The following CDKAL1 variants were observed in gnomAD, a reference collection of about 807,000 sequenced individuals.
The protein encoded by CDKAL1 is CDKAL1 threonylcarbamoyladenosine tRNA methylthiotransferase.
A neutral mutation model predicts 68.2 loss-of-function variants in CDKAL1; 32 were observed. The ratio of observed to expected loss-of-function variants is 0.47; its 90% CI spans 0.35 to 0.63. CDKAL1 has a LOEUF of 0.63. Among genes scored for constraint, CDKAL1 ranks in the 30% least tolerant of loss-of-function variants. CDKAL1 has a pLI of 0.00. For synonymous variants in CDKAL1, 234 were observed against 244.3 expected, an observed-to-expected ratio of 0.96 and a Z score of 0.39; for missense variants, 606 against 696.7, an observed-to-expected ratio of 0.87 and a Z score of 1.47.
chr6:21,000,402 C>A (rs367818741), intron 11 of CDKAL1, 30 bp downstream of exon 11: 1 of 1,569,542 alleles, frequency 6.4e-7, no homozygotes. Context: ...AGAAAATAAC[C>A]ATTTCTTTTT....
intron 8 of CDKAL1, among the ~76,000 whole-genome samples, chr6:20,836,303 A>G (rs905808882): frequency 1.3e-5 from 2 of 152,248 alleles, no homozygotes; most frequent in Non-Finnish European, 2.9e-5. Context: ...TAATGTTTGC[A>G]TATTATACAA....
intron 4 of CDKAL1, among the ~76,000 whole-genome samples, chr6:20,598,916 A>C (rs1765959984): frequency 6.6e-6 from 1 of 152,064 alleles, no homozygotes; most frequent in African/African-American, 2.4e-5. Context: ...CCTAAATTTA[A>C]TTGTAGTTTG....
Position 21,158,489 on chromosome 6 carries a change from G to T in CDKAL1, c.1300-39532G>T, listed in dbSNP as rs950687405. ...GGGGTGGGTTGGAGGGGACTCAAAG[G>T]GTCATGATGAAGCTCCAAGCCAGAT... On this transcript the variant is annotated intron_variant, in intron 13 of 15. Transcript: ENST00000274695. Among the ~76,000 whole-genome samples, 5 of 152,298 alleles carry T rather than the reference G, an allele frequency of 3.3e-5. No homozygotes were observed. The East Asian group carries it at 9.6e-4, about 29-fold the overall frequency.
chr6:20,677,349 C>T (rs528894456), intron 5 of CDKAL1, among the ~76,000 whole-genome samples: 4 of 152,180 alleles, frequency 2.6e-5, no homozygotes, highest in South Asian at 4.1e-4. Context: ...GGATTACAGG[C>T]GTGAGCCATC....
At chr6:21,215,672 T>C (rs1342089528) in intron 15 of CDKAL1, among the ~76,000 whole-genome samples, 3 of 152,142 alleles carry the variant, frequency 2.0e-5, no homozygotes, top group Non-Finnish European at 2.9e-5. Flanking sequence ...TAAGGGACCT[T>C]GTCATAGTCT....
intron 11 of CDKAL1, among the ~76,000 whole-genome samples, chr6:21,045,886 G>GT (rs1561986371): frequency 6.6e-6 from 1 of 152,192 alleles, no homozygotes; most frequent in African/African-American, 2.4e-5. Flanking sequence ...GATAGTCATT[G>GT]TTTCTGAGAA....
intron 7 of CDKAL1, among the ~76,000 whole-genome samples, chr6:20,763,839 T>C (rs1335229248): frequency 4.6e-5 from 7 of 152,222 alleles, no homozygotes; most frequent in African/African-American, 1.7e-4. Flanking sequence ...TATTCTGAAA[T>C]GGATCTTCAT....
rs375023465 is a variant in CDKAL1, at chr6:21,157,703, C to G, written c.1300-40318C>G. 2.0e-5 allele frequency among the ~76,000 whole-genome samples: 3 copies of G among 152,284 alleles called. No individual in the cohort carries two copies. In the East Asian group the frequency reaches 5.8e-4, roughly 29 times the overall value. ...ATTATGACATACATCTACCAGTCAC[C>G]TAACCTGGCCTTACTGAAACAAAAC... On this transcript the variant is annotated intron_variant, in intron 13 of 15. Transcript: ENST00000274695.
chr6:20,872,385 CA>C (rs1760269182), intron 9 of CDKAL1, among the ~76,000 whole-genome samples: 1 of 152,094 alleles, frequency 6.6e-6, no homozygotes, highest in Non-Finnish European at 1.5e-5. Context: ...TAGCAAGGGT[CA>C]TCAGTGTGTA....
chr6:21,015,566 G>C (rs1768277247), intron 11 of CDKAL1, among the ~76,000 whole-genome samples: 1 of 151,504 alleles, frequency 6.6e-6, no homozygotes, highest in Non-Finnish European at 1.5e-5. Flanking sequence ...AGTTTGTTTT[G>C]ACTCTTATCA....
chr6:21,028,867 G>A (rs1181318887), intron 11 of CDKAL1, among the ~76,000 whole-genome samples: 1 of 152,108 alleles, frequency 6.6e-6, no homozygotes, highest in African/African-American at 2.4e-5. Flanking sequence ...TGTCTAAGAT[G>A]GAAATCATAT....
At chr6:20,649,838 A>G (rs967259249) in intron 5 of CDKAL1, among the ~76,000 whole-genome samples, 1 of 151,992 alleles carries the variant, frequency 6.6e-6, no homozygotes, top group Non-Finnish European at 1.5e-5. Flanking sequence ...CTGTTCCTGT[A>G]TTAGTTTGGT....
At chr6:20,631,241 T>C (rs1406970814) in intron 4 of CDKAL1, among the ~76,000 whole-genome samples, 1 of 152,178 alleles carries the variant, frequency 6.6e-6, no homozygotes, top group Non-Finnish European at 1.5e-5. Flanking sequence ...CCTACCCCAG[T>C]GCCTGTTTTC....
intron 4 of CDKAL1, among the ~76,000 whole-genome samples, chr6:20,588,566 T>C (rs1182192982): frequency 6.6e-6 from 1 of 152,246 alleles, no homozygotes; most frequent in Non-Finnish European, 1.5e-5. Flanking sequence ...TTTCTTTCTA[T>C]TTCAGGTTTT....
intron 5 of CDKAL1, among the ~76,000 whole-genome samples, chr6:20,659,523 A>G (rs1769187579): frequency 1.3e-5 from 2 of 152,204 alleles, no homozygotes; most frequent in Non-Finnish European, 2.9e-5. Flanking sequence ...GTATTGTCTA[A>G]TAAGATTGTC....
intron 15 of CDKAL1, among the ~76,000 whole-genome samples, chr6:21,218,836 C>A (rs1193253837): frequency 6.6e-6 from 1 of 152,094 alleles, no homozygotes; most frequent in African/African-American, 2.4e-5. Context: ...AGACCATAGC[C>A]AAGGGGAAGA....
intron 4 of CDKAL1, among the ~76,000 whole-genome samples, chr6:20,581,410 A>C (rs1765139450): frequency 6.6e-6 from 1 of 152,236 alleles, no homozygotes. Flanking sequence ...CCTGTCTTTC[A>C]TTCTTACAAA....
rs528023869 is a variant in CDKAL1 at position 21,208,886 on chromosome 6, C to T, written c.1548+7612C>T. Reference sequence around the variant, plus strand: ...CACTGTGTTTAGTGTGTTTACAATACCTTCCGTGTACCAATTTGAGTACCA... The same window carrying T: ...CACTGTGTTTAGTGTGTTTACAATATCTTCCGTGTACCAATTTGAGTACCA... On this transcript the variant is annotated intron_variant, in intron 15 of 15. Transcript: ENST00000274695. 7.0e-4 allele frequency among the ~76,000 whole-genome samples: 106 copies of T among 152,264 alleles called. 3 individuals are homozygous for T. Among genetic ancestry groups the T allele is most frequent in the African/African-American group, 2.4e-3 (101 of 41,542 alleles).
chr6:20,880,258 T>G (rs1235852706), intron 9 of CDKAL1, among the ~76,000 whole-genome samples: 4 of 152,102 alleles, frequency 2.6e-5, no homozygotes, highest in African/African-American at 4.8e-5. Flanking sequence ...AAACTACATT[T>G]TTTTTTGCTT....
Sources: allele counts gnomAD v4.1 joint callset (sites outside exome capture counted in the v4.1 genomes callset), GRCh38; gene constraint gnomAD v4.1.1; transcripts MANE v1.5; gene names NCBI Gene and HGNC (gene_info 2026-07-23, HGNC 2026-07-21).